CDK5RAP2: variants seen among roughly 807,000 people sequenced by gnomAD.
CDK5RAP2 encodes the protein CDK5 regulatory subunit-associated protein 2.
A neutral mutation model predicts 232.9 loss-of-function variants in CDK5RAP2; 147 were observed. The observed-to-expected ratio is 0.63, with a 90% CI of 0.55 to 0.72. The LOEUF (loss-of-function observed/expected upper bound fraction) is 0.72. Among genes scored for constraint, CDK5RAP2 ranks in the 30% least tolerant of loss-of-function variants. CDK5RAP2 has a pLI of 0.00. For missense variants in CDK5RAP2, 2,195 were observed against 2,231.5 expected (o/e 0.98, Z 0.33); for synonymous variants, 833 against 833.7 (o/e 1.00, Z 0.01).
At chr9:120,414,660 G>A (rs934986641) in intron 28 of CDK5RAP2, among the ~76,000 whole-genome samples, 7 of 152,104 alleles carry the variant, frequency 4.6e-5, no homozygotes, top group African/African-American at 7.2e-5. Context: ...GGGAGTGGGC[G>A]GTAATGTTTT....
chr9:120,518,213 G>GACAGAC (rs55747215), intron 12 of CDK5RAP2, among the ~76,000 whole-genome samples: 1 of 118,010 alleles, frequency 8.5e-6, no homozygotes, highest in African/African-American at 3.4e-5. Flanking sequence ...GTGTGTGTGA[G>GACAGAC]AGAGAGAGAG....
At chr9:120,578,161 G>A (rs535134136) in intron 1 of CDK5RAP2, among the ~76,000 whole-genome samples, 8 of 152,218 alleles carry the variant, frequency 5.3e-5, no homozygotes, top group Non-Finnish European at 7.4e-5. Context: ...CAGCTACTCC[G>A]GAGGCTCAGG....
intron 5 of CDK5RAP2, among the ~76,000 whole-genome samples, chr9:120,543,102 A>G (rs1179138959): frequency 6.6e-6 from 1 of 152,216 alleles, no homozygotes; most frequent in South Asian, 2.1e-4. Context: ...AACAGAGCTC[A>G]TGACCTTAAC....
At chr9:120,427,184 G>T (rs1475880665) in intron 25 of CDK5RAP2, among the ~76,000 whole-genome samples, 1 of 152,166 alleles carries the variant, frequency 6.6e-6, no homozygotes, top group Non-Finnish European at 1.5e-5. Context: ...AATCAGGGGT[G>T]TCCAATCTTT....
chr9:120,503,073 C>G (rs2039646953), intron 12 of CDK5RAP2, among the ~76,000 whole-genome samples: 1 of 152,202 alleles, frequency 6.6e-6, no homozygotes, highest in African/African-American at 2.4e-5. Flanking sequence ...GAAATCCAAA[C>G]CCCAGTCAGT....
chr9:120,428,014 C>A (rs558385686), intron 25 of CDK5RAP2, among the ~76,000 whole-genome samples: 1 of 152,208 alleles, frequency 6.6e-6, no homozygotes, highest in African/African-American at 2.4e-5. Flanking sequence ...CTACTGGGTA[C>A]ATAACGAAAT....
chr9:120,414,236 T>G (rs1373436458), intron 28 of CDK5RAP2, among the ~76,000 whole-genome samples: 1 of 152,152 alleles, frequency 6.6e-6, no homozygotes, highest in African/African-American at 2.4e-5. Context: ...CAATTAAGAC[T>G]GGGAGAAATG....
At chr9:120,536,906 C>A (rs568855911) in intron 6 of CDK5RAP2, among the ~76,000 whole-genome samples, 1 of 151,918 alleles carries the variant, frequency 6.6e-6, no homozygotes, top group African/African-American at 2.4e-5. Context: ...ACCCCCACCG[C>A]CCTATTTTTT....
chr9:120,558,965 G>A (rs533894928), intron 3 of CDK5RAP2, among the ~76,000 whole-genome samples: 1 of 152,214 alleles, frequency 6.6e-6, no homozygotes, highest in African/African-American at 2.4e-5. Flanking sequence ...CAAGTATCTA[G>A]AACACAGTAG....
intron 4 of CDK5RAP2, among the ~76,000 whole-genome samples, chr9:120,549,665 A>T (rs918905796): frequency 3.3e-5 from 5 of 152,220 alleles, no homozygotes; most frequent in African/African-American, 1.2e-4. Context: ...GATACCCAAG[A>T]CAGTGCCTGA....
chr9:120,529,956 T>C, intron 8 of CDK5RAP2, 22 bp downstream of exon 8: 2 of 1,613,118 alleles, frequency 1.2e-6, no homozygotes, highest in South Asian at 1.1e-5. Context: ...TAAAGCCCCC[T>C]CTTCATGTCC....
chr9:120,456,193 G>A (rs566316458), intron 20 of CDK5RAP2, among the ~76,000 whole-genome samples: 4 of 152,340 alleles, frequency 2.6e-5, no homozygotes, highest in African/African-American at 9.6e-5. Context: ...TAACTCCTGG[G>A]AGAAAGAAAA....
rs1315033808 is a variant in CDK5RAP2, at chr9:120,403,088, A to C, written c.5042-17T>G. On this transcript the variant is annotated splice_polypyrimidine_tract_variant and intron_variant, in intron 33 of 37. Transcript: ENST00000349780. The surrounding 1 kb of genome is among the most constrained non-coding windows in gnomAD (Gnocchi z 4.2). ...TCTCTGAAACTGTAAAATGAGAAGT[A>C]GGATGTAAAATCTGTTTCAGGTAAC... The C allele has an allele frequency of 1.9e-6, 3 of 1,613,556 alleles. No homozygotes were observed. The African/African-American group carries it at 4.0e-5, about 22-fold the overall frequency.
chr9:120,486,082 T>A (rs2038585373), intron 14 of CDK5RAP2, among the ~76,000 whole-genome samples: 2 of 152,118 alleles, frequency 1.3e-5, no homozygotes, highest in African/African-American at 4.8e-5. Context: ...TCCACACCAG[T>A]TGGAAAATAA....
chr9:120,410,990 A>G (rs991763337), intron 29 of CDK5RAP2, among the ~76,000 whole-genome samples: 5 of 152,250 alleles, frequency 3.3e-5, no homozygotes, highest in African/African-American at 1.2e-4. Context: ...TTTTGGCAGT[A>G]TTATATTTCC....
chr9:120,404,153 T>C (rs1466935549), intron 32 of CDK5RAP2, 40 bp from the exon 33 acceptor site: 1 of 1,294,184 alleles, frequency 7.7e-7, no homozygotes, highest in Non-Finnish European at 1.1e-6. Context: ...GTTTCACTGT[T>C]GTCAGCATTC....
chr9:120,453,790 T>G lies in CDK5RAP2; in HGVS notation c.2459A>C (p.Asp820Ala). ...CTTAGGTGTCTTCTCAGTTTTACCA[T>G]CAAGGTGTTCTCCAGAAACTTCCTG... ...TEQEVSGEHL[D>A]GKTEKTPKQK... The change falls in exon 21 of 38, where the codon GAT becomes GCT. Residue 820 changes from aspartate to alanine, a missense_variant. Transcript: ENST00000349780. The G allele has an allele frequency of 6.2e-7, 1 of 1,614,206 alleles. No homozygotes were observed. The highest frequency in any genetic ancestry group is 8.5e-7 in the Non-Finnish European group (1 of 1,180,030).
intron 24 of CDK5RAP2, among the ~76,000 whole-genome samples, chr9:120,438,890 CATTATCTTCATG>C (rs1475392919): frequency 6.6e-6 from 1 of 152,190 alleles, no homozygotes; most frequent in East Asian, 1.9e-4. Flanking sequence ...GCCCATAAAG[CATTATCTTCATG>C]ACCTAAGAAT....
At chr9:120,431,360 G>A (rs192968495) in intron 25 of CDK5RAP2, among the ~76,000 whole-genome samples, 57 of 152,292 alleles carry the variant, frequency 3.7e-4, no homozygotes, top group Admixed American at 2.7e-3. Flanking sequence ...CTGTGAAAGT[G>A]AACTACATGG....
Sources: gnomAD v4.1 joint callset for allele counts (sites outside exome capture counted in the v4.1 genomes callset) on GRCh38, gnomAD v4.1.1 for gene constraint, Gnocchi (gnomAD v3.1) non-coding constraint, MANE v1.5 for transcripts, NCBI Gene and HGNC (gene_info 2026-07-23, HGNC 2026-07-21) for gene names.